The following SRRD variants were observed in gnomAD, a reference collection of about 807,000 sequenced individuals.
SRRD encodes the protein SRR1-like protein.
In SRRD, 28 loss-of-function variants were observed where a neutral mutation model predicts 30.7. The ratio of observed to expected loss-of-function variants is 0.91; its 90% confidence interval spans 0.68 to 1.25. The LOEUF (loss-of-function observed/expected upper bound fraction) is 1.25. Ranked by LOEUF, SRRD falls within the 50% of genes most tolerant of loss-of-function variation. The pLI, the probability that SRRD is intolerant of heterozygous loss-of-function variation, is 0.00. For synonymous variants in SRRD, 161 were observed against 159.6 expected (o/e 1.01, Z -0.07); for missense variants, 415 against 417.3 (o/e 0.99, Z 0.05).
Position 26,488,197 on chromosome 22 carries a change from AGT to A in SRRD, c.428_429del (p.Cys143LeufsTer13). On this transcript the variant is annotated frameshift_variant, in exon 3 of 7. Transcript: ENST00000215917. LOFTEE classifies it high-confidence loss of function. Reference sequence around the variant, plus strand: ...TTGGTCACAGGAACCTGCCATTTGAAGTGTGTGTGTTACGGCATTGGGAACTT... The same window carrying A: ...TTGGTCACAGGAACCTGCCATTTGAAGTGTGTGTTACGGCATTGGGAACTT... 1 of 1,614,162 alleles carries A rather than the reference AGT, an allele frequency of 6.2e-7. No individual in the cohort carries two copies. The highest frequency in any genetic ancestry group is 8.5e-7 in the Non-Finnish European group (1 of 1,180,022).
At position 26,492,216 on chromosome 22, in the gene SRRD, T is replaced by A. The variant is rs1255509340; in HGVS notation, c.*544T>A. On this transcript the variant is annotated 3_prime_UTR_variant, in exon 7 of 7. Coordinates refer to ENST00000215917, the MANE Select transcript of SRRD (RefSeq NM_001013694.3). Reference sequence around the variant, plus strand: ...GTCTCAATGAGGTCCTTAAAGTTCATGGGCACAGAGCTAGCGGCCACGCCA... The same window carrying A: ...GTCTCAATGAGGTCCTTAAAGTTCAAGGGCACAGAGCTAGCGGCCACGCCA... 4 of 1,614,244 alleles carry A rather than the reference T, an allele frequency of 2.5e-6. No homozygotes were observed. The highest frequency in any genetic ancestry group is 3.4e-6 in the Non-Finnish European group (4 of 1,180,036).
At position 26,488,023 on chromosome 22, in the gene SRRD, T is replaced by C. The variant is rs1448403079; in HGVS notation, c.251-6T>C. On this transcript the variant is annotated splice_polypyrimidine_tract_variant and splice_region_variant and intron_variant, in intron 2 of 6. Coordinates refer to ENST00000215917, the MANE Select transcript of SRRD (RefSeq NM_001013694.3). ...TCTAACTGCATTTGGGGGCCTGCTC[T>C]TTCAGAAACCATCAATAGATGTCTC... The C allele has an allele frequency of 6.2e-7, 1 of 1,602,418 alleles. No homozygotes were observed. Among genetic ancestry groups the C allele is most frequent in the African/African-American group, 1.3e-5 (1 of 74,442 alleles).
At chr22:26,490,241 A>G (rs1301701903) in intron 5 of SRRD, 43 bp downstream of exon 5, 3 of 1,604,968 alleles carry the variant, frequency 1.9e-6, no homozygotes, top group Admixed American at 3.4e-5. Flanking sequence ...CCTGAGGTGA[A>G]GCCCATACCT....
chr22:26,490,160 G>A lies in SRRD; in HGVS notation c.726G>A (p.Met242Ile), dbSNP rs368761543. Reference sequence around the variant, plus strand: ...GGTCAGTAGATGCCCTTTCTAAGATGGTCATCATTGGGAACAGTTTCAAAG... The same window carrying A: ...GGTCAGTAGATGCCCTTTCTAAGATAGTCATCATTGGGAACAGTTTCAAAG... ...SNWSVDALSK[M>I]VIIGNSFKGL... Residue 242 changes from methionine (M) to isoleucine (I), a missense_variant, in exon 5 of 7, where the codon ATG becomes ATA. Physicochemically the swap from Met to Ile is conservative, Grantham distance 10. Transcript: ENST00000215917. The A allele has an allele frequency of 6.2e-6, 10 of 1,614,000 alleles. No individual in the cohort carries two copies. Among genetic ancestry groups the A allele is most frequent in the Non-Finnish European group, 8.5e-6 (10 of 1,180,034 alleles).
rs775837320 is a variant in SRRD, at chr22:26,492,390, C to A, written c.*718C>A. ...GCACCTAAGATACAGGAGGACAGGG[C>A]GGTGAGGAGAGGTGTTTCCAGGTGT... is the stretch of plus-strand genomic sequence containing the variant. On this transcript the variant is annotated 3_prime_UTR_variant, in exon 7 of 7. Transcript: ENST00000215917. 1 of 1,608,218 alleles carries A rather than the reference C, an allele frequency of 6.2e-7. No individual in the cohort carries two copies. The highest frequency in any genetic ancestry group is 1.3e-5 in the African/African-American group (1 of 74,778).
At position 26,488,279 on chromosome 22, in the gene SRRD, A is replaced by C. The variant is rs778426609; in HGVS notation, c.501A>C (p.Glu167Asp). 1 of 1,613,878 alleles carries C rather than the reference A, an allele frequency of 6.2e-7. No individual in the cohort carries two copies. The highest frequency in any genetic ancestry group is 1.1e-5 in the South Asian group (1 of 91,064). ...TAACGTTTTTGCTGCTTTTGTTGGA[A>C]AAGTGCCAGGTACATTTTTGGATTC... ...NQLTFLLLLL[E>D]KCQIPRSHCW... Residue 167 changes from glutamate (E) to aspartate (D), a missense_variant, in exon 3 of 7, where the codon GAA (glutamate) becomes GAC (aspartate). Physicochemically the swap from Glu to Asp is conservative, Grantham distance 45. Coordinates refer to ENST00000215917, the MANE Select transcript of SRRD (RefSeq NM_001013694.3).
chr22:26,484,198 T>A, intron 1 of SRRD, 99 bp downstream of exon 1: 1 of 1,221,922 alleles, frequency 8.2e-7, no homozygotes, highest in Non-Finnish European at 1.1e-6. Context: ...GCACACCCTT[T>A]AAGGAGTTAT....
At chr22:26,486,206 T>A in intron 2 of SRRD, 143 bp downstream of exon 2, 1 of 832,158 alleles carries the variant, frequency 1.2e-6, no homozygotes, top group Non-Finnish European at 1.9e-6. Context: ...TTTTGGCACT[T>A]AATTCTGATC....
chr22:26,494,125 G>C lies in SRRD; in HGVS notation c.*2453G>C. The C allele has an allele frequency of 7.4e-6, 12 of 1,611,176 alleles. No individual in the cohort carries two copies. The highest frequency in any genetic ancestry group is 1.0e-5 in the Non-Finnish European group (12 of 1,177,644). On this transcript the variant is annotated 3_prime_UTR_variant, in exon 7 of 7. Transcript: ENST00000215917. The stretch of plus-strand genomic sequence containing the variant: ...CTTGGGGCCAGGACATCCAAAATGG[G>C]AATCCTCACTTACCAACGTTGGAGG...
At chr22:26,484,865 T>C (rs1239864091) in intron 1 of SRRD, among the ~76,000 whole-genome samples, 1 of 152,214 alleles carries the variant, frequency 6.6e-6, no homozygotes, top group Non-Finnish European at 1.5e-5. Flanking sequence ...CGCAGTTTTG[T>C]TTAGGCTCAA....
In SRRD at chr22:26,491,794, C is replaced by A; in HGVS notation, c.*122C>A. The stretch of plus-strand genomic sequence containing the variant: ...CAGGAAAGAACATCAACTTGGCTGT[C>A]CTGTTTTGAGGACGATACCCCACAT... On this transcript the variant is annotated 3_prime_UTR_variant, in exon 7 of 7. Transcript: ENST00000215917. 9.6e-7 allele frequency: 1 copy of A among 1,042,832 alleles called. No individual in the cohort carries two copies. The highest frequency in any genetic ancestry group is 2.6e-5 in the East Asian group (1 of 38,850). 64.6% of individuals were successfully genotyped at this position (1,042,832 alleles called of 1,614,324 possible). A position where few individuals can be genotyped will look rare whatever the true frequency, so the allele number is the denominator to read the frequency against.
intron 2 of SRRD, among the ~76,000 whole-genome samples, chr22:26,487,057 G>A (rs1356448806): frequency 6.6e-6 from 1 of 151,938 alleles, no homozygotes; most frequent in Non-Finnish European, 1.5e-5. Context: ...GAGTAGCTGG[G>A]ACTACAGGTG....
rs1459496193 is a variant in SRRD at position 26,493,943 on chromosome 22, C to T, written c.*2271C>T. 1.0e-5 allele frequency: 6 copies of T among 578,744 alleles called. No individual in the cohort carries two copies. The East Asian group carries it at 1.8e-4, about 18-fold the overall frequency. 35.9% of individuals were successfully genotyped at this position (578,744 alleles called of 1,614,324 possible). On this transcript the variant is annotated 3_prime_UTR_variant, in exon 7 of 7. Transcript: ENST00000215917. ...ACTCAGGGAAGATGCCCCTCTCAGT[C>T]ATGGTAGACCTGGGCAGTGGGTGCC...
At chr22:26,489,917 A>G in intron 4 of SRRD, 127 bp from the exon 5 acceptor site, 1 of 1,047,284 alleles carries the variant, frequency 9.5e-7, no homozygotes, top group Non-Finnish European at 1.4e-6. Context: ...ACTGTTCCAC[A>G]AAATGAGCTT....
At chr22:26,491,440 TA>T in intron 6 of SRRD, 22 bp from the exon 7 acceptor site, 2 of 1,588,882 alleles carry the variant, frequency 1.3e-6, no homozygotes, top group Non-Finnish European at 1.7e-6. Context: ...CTGAAGTTTT[TA>T]TACTTGAATT....
At position 26,488,249 on chromosome 22, in the gene SRRD, C is replaced by G; in HGVS notation, c.471C>G (p.Asn157Lys). The G allele has an allele frequency of 1.2e-6, 2 of 1,614,114 alleles. No individual in the cohort carries two copies. The highest frequency in any genetic ancestry group is 1.7e-6 in the Non-Finnish European group (2 of 1,179,972). ...TTGCCACCTGCATCGTAGCTAGAAA[C>G]CAGCTAACGTTTTTGCTGCTTTTGT... Reference protein sequence around the residue: ...GNFATCIVARNQLTFLLLLLE... With the variant: ...GNFATCIVARKQLTFLLLLLE... Residue 157 changes from asparagine (N) to lysine (K), a missense_variant, in exon 3 of 7, where the codon AAC (asparagine) becomes AAG (lysine). Physicochemically the swap from Asn to Lys is moderately conservative, Grantham distance 94. Coordinates refer to ENST00000215917, the MANE Select transcript of SRRD (RefSeq NM_001013694.3).
In SRRD at chr22:26,490,795, C is replaced by T. The variant is rs1921069174; in HGVS notation, c.765-230C>T. 9 of 479,052 alleles carry T rather than the reference C, an allele frequency of 1.9e-5. No homozygotes were observed. The East Asian group carries it at 3.1e-4, about 17-fold the overall frequency. The allele number at this position is 479,052 out of a possible 1,614,324, so 29.7% of individuals were successfully genotyped here. A position where few individuals can be genotyped will look rare whatever the true frequency, so the allele number is the denominator to read the frequency against. On this transcript the variant is annotated intron_variant, in intron 5 of 6. Coordinates refer to ENST00000215917, the MANE Select transcript of SRRD (RefSeq NM_001013694.3). ...GCCATGCTGGTCTTGAACTCCTGACCTCAAATGATCCGCCCGCCTCAGTCT... is the reference window on the plus strand; with the variant it reads ...GCCATGCTGGTCTTGAACTCCTGACTTCAAATGATCCGCCCGCCTCAGTCT...
chr22:26,484,182 T>C (rs1042500273), intron 1 of SRRD, 83 bp downstream of exon 1: 137 of 1,322,618 alleles, frequency 1.0e-4, no homozygotes, highest in Non-Finnish European at 1.4e-4. Flanking sequence ...AGAGTGGAGA[T>C]ATAATGCACA....
chr22:26,486,214 A>G, intron 2 of SRRD, 151 bp downstream of exon 2: 1 of 792,414 alleles, frequency 1.3e-6, no homozygotes, highest in African/African-American at 1.7e-5. Context: ...CTTAATTCTG[A>G]TCCTCAGTTT....
Sources: allele counts gnomAD v4.1 joint callset (sites outside exome capture counted in the v4.1 genomes callset), GRCh38; gene constraint gnomAD v4.1.1; transcripts MANE v1.5; gene names NCBI Gene and HGNC (gene_info 2026-07-23, HGNC 2026-07-21).